Variants in REV3L observed in about 807,000 individuals in gnomAD.
REV3L encodes the protein REV3 like, DNA directed polymerase zeta catalytic subunit.
Under a neutral mutation model 299.4 loss-of-function variants are expected in REV3L, and 69 were observed. The ratio of observed to expected loss-of-function variants is 0.23; its 90% CI spans 0.19 to 0.28. The LOEUF (loss-of-function observed/expected upper bound fraction) is 0.28. Among genes scored for constraint, REV3L ranks in the 10% least tolerant of loss-of-function variants. The pLI, the probability that REV3L is intolerant of heterozygous loss-of-function variation, is 1.00. For missense variants in REV3L, 3,128 were observed against 3,693.8 expected, an observed-to-expected ratio of 0.85 and a Z score of 3.97; for synonymous variants, 1,238 against 1,271.4, an observed-to-expected ratio of 0.97 and a Z score of 0.56.
intron 13 of REV3L, among the ~76,000 whole-genome samples, chr6:111,368,301 C>A (rs2115036754): frequency 6.6e-6 from 1 of 152,244 alleles, no homozygotes; most frequent in South Asian, 2.1e-4. Flanking sequence ...CCCATGAAGC[C>A]TTCTGTCCTT....
At chr6:111,418,714 G>T (rs1232294034) in intron 1 of REV3L, among the ~76,000 whole-genome samples, 1 of 152,108 alleles carries the variant, frequency 6.6e-6, no homozygotes, top group Non-Finnish European at 1.5e-5. Flanking sequence ...AAAAGTCAAT[G>T]TTGGCTTCCT....
At chr6:111,474,001 T>A (rs186828672) in intron 1 of REV3L, among the ~76,000 whole-genome samples, 345 of 152,072 alleles carry the variant, frequency 2.3e-3, no homozygotes, top group African/African-American at 7.8e-3. Context: ...CAAAAAAAAA[T>A]TTAGCACACT....
Position 111,475,886 on chromosome 6 carries a change from T to G in REV3L, c.139+6864A>C, listed in dbSNP as rs1033765287. 2.0e-5 allele frequency among the ~76,000 whole-genome samples: 3 copies of G among 152,204 alleles called. No homozygotes were observed. In the East Asian group the frequency reaches 5.8e-4, roughly 29 times the overall value. On this transcript the variant is annotated intron_variant, in intron 1 of 31. Transcript: ENST00000368802. ...TTTGTTTCTTTGTTTCATATTTAAA[T>G]CTTTAACTCCTCTGGAAGCCAACAT...
At chr6:111,390,206 T>C in intron 5 of REV3L, 26 bp from the exon 6 acceptor site, 1 of 1,399,510 alleles carries the variant, frequency 7.1e-7, no homozygotes, top group South Asian at 1.2e-5. Flanking sequence ...ATAAAAAACA[T>C]AATAATTATG....
At chr6:111,396,565 G>T (rs541971243) in intron 4 of REV3L, among the ~76,000 whole-genome samples, 1 of 152,188 alleles carries the variant, frequency 6.6e-6, no homozygotes, top group East Asian at 1.9e-4. Context: ...AGAAGAATTG[G>T]TGTTAGTTTT....
chr6:111,323,784 G>A (rs17511371), intron 25 of REV3L, among the ~76,000 whole-genome samples: 4,645 of 152,024 alleles, frequency 0.031, 211 homozygotes, highest in African/African-American at 0.11. Flanking sequence ...ATTTTAAAAC[G>A]CAAACTGCAC....
intron 22 of REV3L, 57 bp from the exon 23 acceptor site, chr6:111,333,424 T>C: frequency 1.3e-6 from 2 of 1,580,734 alleles, no homozygotes; most frequent in Non-Finnish European, 1.7e-6. Context: ...TATTGGTCAT[T>C]TGAATATATA....
intron 1 of REV3L, among the ~76,000 whole-genome samples, chr6:111,479,550 C>T (rs531465075): frequency 2.2e-5 from 3 of 139,410 alleles, no homozygotes; most frequent in Non-Finnish European, 4.6e-5. Context: ...TGCTCTGTTG[C>T]CCAGGCTGGA....
intron 1 of REV3L, among the ~76,000 whole-genome samples, chr6:111,445,811 T>C (rs1012577094): frequency 6.6e-6 from 1 of 151,974 alleles, no homozygotes; most frequent in Admixed American, 6.6e-5. Context: ...TTAACAGACA[T>C]AGGAAAAGGA....
rs1582736235 is a variant in REV3L at position 111,373,062 on chromosome 6, G to C, written c.5293C>G (p.Gln1765Glu). The part of the protein sequence containing the change: ...SNSIMDSFCV[Q>E]QAEDCLSEKS... ...TCACTTAGACAGTCTTCTGCCTGCT[G>C]AACACAGAAAGAATCCATTATTGAG... Residue 1765 changes from glutamine (Q) to glutamate (E), a missense_variant, in exon 13 of 32, where the codon CAG becomes GAG. Physicochemically the swap from Gln to Glu is conservative, Grantham distance 29. Around this residue, in one of 9 missense-constraint regions of REV3L, gnomAD observed 2,409 missense variants for 2,611.8 expected, o/e 0.92. Transcript: ENST00000368802. The C allele has an allele frequency of 6.2e-7, 1 of 1,614,100 alleles. No homozygotes were observed. The highest frequency in any genetic ancestry group is 8.5e-7 in the Non-Finnish European group (1 of 1,179,994).
At chr6:111,331,150 G>T in intron 24 of REV3L, 1 of 378,388 alleles carries the variant, frequency 2.6e-6, no homozygotes, top group Non-Finnish European at 3.6e-6. Flanking sequence ...AATTTGTAAA[G>T]TTTTCCTCTG....
intron 19 of REV3L, among the ~76,000 whole-genome samples, chr6:111,350,055 T>C (rs1777438244): frequency 1.3e-5 from 2 of 152,338 alleles, no homozygotes; most frequent in South Asian, 2.1e-4. Context: ...ATAAAAATAT[T>C]TACCATATTG....
chr6:111,339,926 T>C (rs547442902), intron 21 of REV3L, among the ~76,000 whole-genome samples: 1 of 152,282 alleles, frequency 6.6e-6, no homozygotes, highest in Admixed American at 6.5e-5. Context: ...ATCCTCCTAA[T>C]GCTTTGTCAA....
rs150392515 is a variant in REV3L, at chr6:111,310,051, T to C, written c.8844A>G (p.Arg2948=). ...TCCCATAAATGATGACGTATGGCAC[T>C]CGCTCCCCAACCTGAGGCTCAGAGC... ...DRRSEPQVGE[R]VPYVIIYGTP... is the part of the protein sequence containing the mutation. Residue 2948 remains arginine, a synonymous_variant, in exon 30 of 32, where the codon CGA becomes CGG. Transcript: ENST00000368802. 7.3e-5 allele frequency: 117 copies of C among 1,605,212 alleles called. No homozygotes were observed. The highest frequency in any genetic ancestry group is 9.5e-5 in the Non-Finnish European group (112 of 1,175,176).
intron 4 of REV3L, among the ~76,000 whole-genome samples, chr6:111,393,742 G>C (rs17510655): frequency 0.046 from 7,040 of 151,858 alleles, 237 homozygotes; most frequent in Middle Eastern, 0.082. Context: ...ATGTTGCCCA[G>C]ACTGGAATCA....
chr6:111,419,388 A>C (rs192392632), intron 1 of REV3L, among the ~76,000 whole-genome samples: 123 of 152,320 alleles, frequency 8.1e-4, no homozygotes, highest in Non-Finnish European at 1.3e-3. Flanking sequence ...TGCTTTTTGG[A>C]AATAGTATGT....
At chr6:111,402,954 A>T (rs1345900864) in intron 4 of REV3L, among the ~76,000 whole-genome samples, 1 of 152,236 alleles carries the variant, frequency 6.6e-6, no homozygotes, top group Non-Finnish European at 1.5e-5. Flanking sequence ...ACAAAAATTC[A>T]TAAATGGATG....
rs376582517 is a variant in REV3L, at chr6:111,315,249, A to C, written c.8466+18T>G. ...ATATGAATTTTATATGTAATTACTA[A>C]TATTACATTCCTCTTACCTTTTCAA... On this transcript the variant is annotated intron_variant, in intron 27 of 31. Coordinates refer to ENST00000368802, the MANE Select transcript of REV3L (RefSeq NM_001372078.1). 7.7e-6 allele frequency: 12 copies of C among 1,553,286 alleles called. No individual in the cohort carries two copies. The highest frequency in any genetic ancestry group is 1.1e-5 in the Non-Finnish European group (12 of 1,126,184).
At chr6:111,439,744 C>T (rs1456550069) in intron 1 of REV3L, among the ~76,000 whole-genome samples, 2 of 152,170 alleles carry the variant, frequency 1.3e-5, no homozygotes, top group Admixed American at 1.3e-4. Context: ...TGGTGGTCTG[C>T]TGCCCGTTTG....
Sources: allele counts gnomAD v4.1 joint callset (sites outside exome capture counted in the v4.1 genomes callset), GRCh38; gene constraint gnomAD v4.1.1; regional missense constraint gnomAD v4.1.1; transcripts MANE v1.5; gene names NCBI Gene and HGNC (gene_info 2026-07-23, HGNC 2026-07-21).